Variants in CCT3 observed in about 807,000 individuals in gnomAD.
The protein encoded by CCT3 is T-complex protein 1 subunit gamma.
Under a neutral mutation model 65.3 loss-of-function variants are expected in CCT3, and 10 were observed. The observed-to-expected ratio is 0.15, with a 90% confidence interval of 0.09 to 0.26. The LOEUF is 0.26. CCT3 is among the 10% of genes least tolerant of loss of function. The pLI is 1.00. For missense variants in CCT3, 626 were observed against 708.7 expected, an observed-to-expected ratio of 0.88 and a Z score of 1.33; for synonymous variants, 225 against 242.3, an observed-to-expected ratio of 0.93 and a Z score of 0.66.
At chr1:156,337,892 A>C in intron 1 of CCT3, 1 of 539,890 alleles carries the variant, frequency 1.9e-6, no homozygotes, top group East Asian at 3.1e-5. Context: ...GAGGGACAGA[A>C]CGCGGAGTGG....
At chr1:156,326,698 T>C (rs1664827819) in intron 5 of CCT3, among the ~76,000 whole-genome samples, 4 of 149,772 alleles carry the variant, frequency 2.7e-5, no homozygotes. Flanking sequence ...ATGTACACAA[T>C]TTACCCTCTG....
chr1:156,316,336 G>A (rs1244976048), intron 10 of CCT3, among the ~76,000 whole-genome samples: 4 of 152,088 alleles, frequency 2.6e-5, no homozygotes, highest in Non-Finnish European at 5.9e-5. Context: ...TCAAGGGGGC[G>A]GGGATCCTAG....
At chr1:156,322,753 G>A (rs1009602735) in intron 6 of CCT3, among the ~76,000 whole-genome samples, 3 of 151,912 alleles carry the variant, frequency 2.0e-5, no homozygotes, top group Non-Finnish European at 4.4e-5. Context: ...CAGCTACTCG[G>A]GAGGCTGAGG....
intron 5 of CCT3, among the ~76,000 whole-genome samples, chr1:156,328,045 TCCAGCCGCCCCA>T (rs1664917781): frequency 4.3e-4 from 2 of 4,630 alleles, no homozygotes; most frequent in Admixed American, 2.5e-3. Context: ...GAGGTGGGGG[TCCAGCCGCCCCA>T]TCTGGCAGGG....
Position 156,311,701 on chromosome 1 carries a change from T to C in CCT3, c.1155+340A>G, listed in dbSNP as rs1664090482. Among the ~76,000 whole-genome samples, 7 of 152,230 alleles carry C rather than the reference T, an allele frequency of 4.6e-5. No individual in the cohort carries two copies. The South Asian group carries it at 1.5e-3, about 32-fold the overall frequency. ...AACGTAAAAAATAAGAAAACAGTTG[T>C]TGCTAGGGAGTAGGAGATGAGATAT... On this transcript the variant is annotated intron_variant, in intron 11 of 13. Transcript: ENST00000295688.
At chr1:156,323,262 C>T (rs1570924993) in intron 6 of CCT3, among the ~76,000 whole-genome samples, 1 of 112,004 alleles carries the variant, frequency 8.9e-6, no homozygotes, top group African/African-American at 2.8e-5. Context: ...GCCGAGATCG[C>T]GCCATTCATT....
intron 5 of CCT3, among the ~76,000 whole-genome samples, chr1:156,328,024 C>T (rs1312526674): frequency 9.3e-5 from 3 of 32,382 alleles, no homozygotes; most frequent in Non-Finnish European, 1.2e-4. Context: ...GCAGCCACCC[C>T]GTCCGGGAGG....
At chr1:156,333,449 A>G in intron 5 of CCT3, 98 bp downstream of exon 5, 1 of 847,002 alleles carries the variant, frequency 1.2e-6, no homozygotes, top group Non-Finnish European at 2.0e-6. Flanking sequence ...CTATTTAAAT[A>G]TCTGTAATTA....
intron 5 of CCT3, among the ~76,000 whole-genome samples, chr1:156,326,244 C>T (rs563754846): frequency 2.2e-4 from 33 of 152,144 alleles, no homozygotes; most frequent in Non-Finnish European, 1.3e-4. Flanking sequence ...TGGGAGGACT[C>T]ATTGAGCCCA....
chr1:156,315,796 T>C (rs1177128875), intron 10 of CCT3, among the ~76,000 whole-genome samples: 1 of 152,156 alleles, frequency 6.6e-6, no homozygotes, highest in Non-Finnish European at 1.5e-5. Context: ...ATATACTTTG[T>C]GGTTACTAAA....
chr1:156,336,968 G>T, intron 1 of CCT3: 1 of 550,434 alleles, frequency 1.8e-6, no homozygotes, highest in Non-Finnish European at 2.6e-6. Flanking sequence ...CAGAGATAAT[G>T]AATAATAACT....
rs1374660481 is a variant in CCT3 at position 156,311,059 on chromosome 1, C to T, written c.1292G>A (p.Gly431Asp). Reference protein sequence around the residue: ...ALTEKSKAMTGVEQWPYRAVA... With the variant: ...ALTEKSKAMTDVEQWPYRAVA... ...AGCCCTGTATGGCCATTGTTCCACA[C>T]CAGTCATGGCCTTGGATTTTTCTGT... is the stretch of plus-strand genomic sequence containing the variant. The change falls in exon 12 of 14, where the codon GGT becomes GAT. Residue 431 changes from glycine (G) to aspartate (D), a missense_variant. Physicochemically the swap from Gly to Asp is moderately conservative, Grantham distance 94 (BLOSUM62 -1). Transcript: ENST00000295688. 5.6e-6 allele frequency: 9 copies of T among 1,614,000 alleles called. No individual in the cohort carries two copies. The South Asian group carries it at 7.7e-5, about 14-fold the overall frequency.
Position 156,312,103 on chromosome 1 carries a change from C to T in CCT3, c.1093G>A (p.Asp365Asn). ...GTGCAGGCCTTGGGGTCTTTGCAGTCAGTGATGAAAGTAAAGTATTCATCT... is the reference window on the plus strand; with the variant it reads ...GTGCAGGCCTTGGGGTCTTTGCAGTTAGTGATGAAAGTAAAGTATTCATCT... ...IGDEYFTFIT[D>N]CKDPKACTIL... Residue 365 changes from aspartate to asparagine, a missense_variant, in exon 11 of 14, where the codon GAC (aspartate) becomes AAC (asparagine). Transcript: ENST00000295688. 6.2e-7 allele frequency: 1 copy of T among 1,613,900 alleles called. No individual in the cohort carries two copies. The highest frequency in any genetic ancestry group is 8.5e-7 in the Non-Finnish European group (1 of 1,179,974).
In CCT3 at chr1:156,310,536, TACATA is replaced by T. The variant is rs1664040764; in HGVS notation, c.1533+17_1533+21del. 1 of 1,585,056 alleles carries T rather than the reference TACATA, an allele frequency of 6.3e-7. No individual in the cohort carries two copies. Among genetic ancestry groups the T allele is most frequent in the African/African-American group, 1.4e-5 (1 of 73,780 alleles). On this transcript the variant is annotated intron_variant, in intron 13 of 13. Transcript: ENST00000295688. ...TAAATAAATTAATTAAAACAGCGTGTACATATCTTAGGGTGCCTTACCTCCACTGC... is the reference window on the plus strand; with the variant it reads ...TAAATAAATTAATTAAAACAGCGTGTTCTTAGGGTGCCTTACCTCCACTGC...
intron 12 of CCT3, 93 bp from the exon 13 acceptor site, chr1:156,310,782 G>C: frequency 6.8e-6 from 10 of 1,481,324 alleles, no homozygotes; most frequent in Non-Finnish European, 9.3e-6. Context: ...GTATGGAAGG[G>C]ACAGGGAAAA....
intron 6 of CCT3, among the ~76,000 whole-genome samples, chr1:156,324,187 C>T (rs958474185): frequency 6.6e-6 from 1 of 152,028 alleles, no homozygotes; most frequent in Admixed American, 6.6e-5. Context: ...CCTGCCTCAG[C>T]CTCCTGAATA....
chr1:156,324,551 A>C (rs931949092), intron 6 of CCT3, among the ~76,000 whole-genome samples: 2 of 151,948 alleles, frequency 1.3e-5, no homozygotes, highest in Non-Finnish European at 1.5e-5. Context: ...GGCTCACTGC[A>C]ATCTCCGCCC....
rs1481676075 is a variant in CCT3 at position 156,312,044 on chromosome 1, G to T, written c.1152C>A (p.Leu384=). The part of the protein sequence containing the change: ...ILLRGASKEI[L]SEVERNLQDA... Reference sequence around the variant, plus strand: ...CATACATCCAAGGCTGACTCACCGAGAGAATCTCTTTGCTAGCCCCCCGGA... The same window carrying T: ...CATACATCCAAGGCTGACTCACCGATAGAATCTCTTTGCTAGCCCCCCGGA... The change falls in exon 11 of 14, where the codon CTC becomes CTA. Residue 384 remains leucine (L), a synonymous_variant. Transcript: ENST00000295688. 6.2e-7 allele frequency: 1 copy of T among 1,610,688 alleles called. No individual in the cohort carries two copies.
In CCT3 at chr1:156,317,426, T is replaced by C. The variant is rs1190856226; in HGVS notation, c.881A>G (p.Lys294Arg). The C allele has an allele frequency of 5.0e-6, 8 of 1,609,906 alleles. No homozygotes were observed. Among genetic ancestry groups the C allele is most frequent in the Non-Finnish European group, 6.8e-6 (8 of 1,176,688 alleles). ...TAACAAAGTCCCACCTGAGATGCCC[T>C]TTTCAGTGATGACCACATCGGGCTT... is the stretch of plus-strand genomic sequence containing the variant. Reference protein sequence around the residue: ...QLKPDVVITEKGISDLAQHYL... With the variant: ...QLKPDVVITERGISDLAQHYL... The change falls in exon 9 of 14, where the codon AAG becomes AGG. Residue 294 changes from lysine (K) to arginine (R), a missense_variant. Transcript: ENST00000295688.
Sources: allele counts gnomAD v4.1 joint callset (sites outside exome capture counted in the v4.1 genomes callset), GRCh38; gene constraint gnomAD v4.1.1; transcripts MANE v1.5; gene names NCBI Gene and HGNC (gene_info 2026-07-23, HGNC 2026-07-21).